Variants in DPYSL4 observed in about 807,000 individuals in gnomAD.
DPYSL4 encodes dihydropyrimidinase-related protein 4.
A neutral mutation model predicts 63.4 loss-of-function variants in DPYSL4; 43 were observed. The ratio of observed to expected loss-of-function variants is 0.68; its 90% CI spans 0.53 to 0.88. The LOEUF is 0.88. Among genes scored for constraint, DPYSL4 ranks in the 40% least tolerant of loss-of-function variants. The pLI is 0.00. For synonymous variants in DPYSL4, 353 were observed against 331.7 expected (o/e 1.06, Z -0.70); for missense variants, 733 against 819.5 (o/e 0.89, Z 1.29).
chr10:132,201,862 G>A, intron 10 of DPYSL4, 84 bp from the exon 11 acceptor site: 2 of 1,430,760 alleles, frequency 1.4e-6, no homozygotes, highest in Non-Finnish European at 1.9e-6. Context: ...TCCTTGTGGG[G>A]TCCTGGTGGC....
intron 8 of DPYSL4, 57 bp downstream of exon 8, chr10:132,199,028 G>T: frequency 3.2e-6 from 5 of 1,582,960 alleles, no homozygotes; most frequent in Non-Finnish European, 4.3e-6. Context: ...CCTCCTGGGT[G>T]CAGCCCTGGG....
chr10:132,194,231 C>T (rs1234314426), intron 3 of DPYSL4, among the ~76,000 whole-genome samples: 2 of 152,352 alleles, frequency 1.3e-5, no homozygotes, highest in African/African-American at 4.8e-5. Context: ...GCATCCCTGG[C>T]GGGTGCGCCC....
intron 1 of DPYSL4, among the ~76,000 whole-genome samples, chr10:132,189,277 C>A (rs901651771): frequency 3.3e-5 from 5 of 152,214 alleles, no homozygotes; most frequent in Non-Finnish European, 7.3e-5. Context: ...CCGAGTCCAG[C>A]CCGTGGGCGC....
chr10:132,198,703 C>A, intron 7 of DPYSL4, 148 bp from the exon 8 acceptor site: 1 of 1,290,374 alleles, frequency 7.7e-7, no homozygotes, highest in Non-Finnish European at 1.1e-6. Flanking sequence ...GTGGGCAGGC[C>A]CAGGCACTGA....
rs558991008 is a variant in DPYSL4, at chr10:132,203,287, C to G, written c.1461+462C>G. On this transcript the variant is annotated intron_variant, in intron 12 of 13. Transcript: ENST00000338492. ...AGGAGCTCAGCCACGGGAGCCCCCC[C>G]CCCATGGCCTTCCAGTCTCTTACTG... Among the ~76,000 whole-genome samples the G allele has an allele frequency of 9.4e-4, 143 of 152,288 alleles. 1 individual carries two copies. Among genetic ancestry groups the G allele is most frequent in the Middle Eastern group, 3.4e-3 (1 of 292 alleles).
At chr10:132,199,094 C>T in intron 8 of DPYSL4, 123 bp downstream of exon 8, 1 of 1,388,566 alleles carries the variant, frequency 7.2e-7, no homozygotes, top group Non-Finnish European at 9.6e-7. Context: ...CCCTGAGTCC[C>T]TGCATCGGGG....
At chr10:132,196,428 C>A (rs1048837760) in intron 4 of DPYSL4, among the ~76,000 whole-genome samples, 2 of 152,228 alleles carry the variant, frequency 1.3e-5, no homozygotes, top group Non-Finnish European at 2.9e-5. Flanking sequence ...GCCCTGCAGG[C>A]AGGTGCTGGA....
rs2061955020 is a variant in DPYSL4 at position 132,197,044 on chromosome 10, C to T, written c.564C>T (p.Ile188=). 1 of 1,593,754 alleles carries T rather than the reference C, an allele frequency of 6.3e-7. No individual in the cohort carries two copies. Among genetic ancestry groups the T allele is most frequent in the Non-Finnish European group, 8.6e-7 (1 of 1,168,678 alleles). Residue 188 remains isoleucine, a synonymous_variant, in exon 6 of 14, where the codon ATC becomes ATT. Coordinates refer to ENST00000338492, the MANE Select transcript of DPYSL4 (RefSeq NM_006426.3). Reference sequence around the variant, plus strand: ...AGATGTACGAGATCTTCAGCATCATCCGGGACCTGGGGGCCTTGGCCCAGG... The same window carrying T: ...AGATGTACGAGATCTTCAGCATCATTCGGGACCTGGGGGCCTTGGCCCAGG... ...DSQMYEIFSI[I]RDLGALAQVH...
At position 132,190,732 on chromosome 10, in the gene DPYSL4, T is replaced by C; in HGVS notation, c.40-15T>C. On this transcript the variant is annotated splice_polypyrimidine_tract_variant and intron_variant, in intron 1 of 13. Coordinates refer to ENST00000338492, the MANE Select transcript of DPYSL4 (RefSeq NM_006426.3). ...CTCAGTTTGGAGAAAAATTACCCTT[T>C]GTTGTTCCCGATAGAGTGACCGCCT... The C allele has an allele frequency of 6.2e-7, 1 of 1,608,254 alleles. No individual in the cohort carries two copies.
At chr10:132,190,685 C>T in intron 1 of DPYSL4, 62 bp from the exon 2 acceptor site, 2 of 1,493,188 alleles carry the variant, frequency 1.3e-6, no homozygotes, top group African/African-American at 1.4e-5. Context: ...GAAGGAGTTG[C>T]ACCAAGAGTG....
intron 1 of DPYSL4, among the ~76,000 whole-genome samples, chr10:132,189,818 C>T (rs2061850522): frequency 6.6e-6 from 1 of 152,240 alleles, no homozygotes; most frequent in Admixed American, 6.5e-5. Flanking sequence ...CTCTTTAAAA[C>T]ATCAAACCAG....
rs532093046 is a variant in DPYSL4, at chr10:132,192,552, G to A, written c.129-106G>A. 88 of 1,464,548 alleles carry A rather than the reference G, an allele frequency of 6.0e-5. 1 individual carries two copies. In the South Asian group the frequency reaches 8.6e-4, roughly 14 times the overall value. The allele number at this position is 1,464,548 out of a possible 1,614,324, so 90.7% of individuals were successfully genotyped here. A position where few individuals can be genotyped will look rare whatever the true frequency, so the allele number is the denominator to read the frequency against. Reference sequence around the variant, plus strand: ...GGCCGGCCGTGCTGGCCTTTTCCTCGGGGTCTGGAGCTCATGCAAACCCTT... The same window carrying A: ...GGCCGGCCGTGCTGGCCTTTTCCTCAGGGTCTGGAGCTCATGCAAACCCTT... On this transcript the variant is annotated intron_variant, in intron 2 of 13. Transcript: ENST00000338492.
intron 8 of DPYSL4, among the ~76,000 whole-genome samples, chr10:132,199,940 T>TC (rs1250648865): frequency 6.6e-6 from 1 of 151,618 alleles, no homozygotes; most frequent in African/African-American, 2.4e-5. Context: ...GGAGCATTTC[T>TC]CCCCCACCCA....
intron 2 of DPYSL4, among the ~76,000 whole-genome samples, chr10:132,192,044 G>A (rs1289646727): frequency 1.9e-5 from 2 of 104,738 alleles, no homozygotes; most frequent in African/African-American, 6.1e-5. Flanking sequence ...CTGGTCACGT[G>A]GTATCCAGGC....
intron 5 of DPYSL4, 49 bp from the exon 6 acceptor site, chr10:132,196,972 G>A (rs1215824110): frequency 1.9e-6 from 3 of 1,613,260 alleles, no homozygotes; most frequent in South Asian, 2.2e-5. Flanking sequence ...CCAGGCCGCT[G>A]CTGGTGCAGG....
In DPYSL4 at chr10:132,204,956, G is replaced by A. The variant is rs748038490; in HGVS notation, c.*26G>A. 1.8e-4 allele frequency: 281 copies of A among 1,579,076 alleles called. No homozygotes were observed. The highest frequency in any genetic ancestry group is 2.1e-4 in the Non-Finnish European group (249 of 1,162,650). On this transcript the variant is annotated 3_prime_UTR_variant, in exon 14 of 14. Transcript: ENST00000338492. ...ACGCCCAGGACCGGCCCTGTGAGCCGTGCTGGCCCCACCCGAGGCCGCGGG... is the reference window on the plus strand; with the variant it reads ...ACGCCCAGGACCGGCCCTGTGAGCCATGCTGGCCCCACCCGAGGCCGCGGG...
intron 8 of DPYSL4, among the ~76,000 whole-genome samples, chr10:132,199,413 G>C (rs2061983975): frequency 6.6e-6 from 1 of 152,148 alleles, no homozygotes; most frequent in Non-Finnish European, 1.5e-5. Context: ...TGGGCGGGGG[G>C]GTGCCACCCA....
intron 2 of DPYSL4, chr10:132,192,366 A>G: frequency 9.4e-7 from 1 of 1,061,418 alleles, no homozygotes; most frequent in Non-Finnish European, 1.1e-6. Flanking sequence ...TCCGTTTGTC[A>G]AGCTGCTCCG....
At chr10:132,187,397 C>A (rs2061816441) in intron 1 of DPYSL4, among the ~76,000 whole-genome samples, 1 of 150,378 alleles carries the variant, frequency 6.6e-6, no homozygotes. Flanking sequence ...CCCGGCCTTG[C>A]CGGCTTCCGG....
Sources: gnomAD v4.1 joint callset for allele counts (sites outside exome capture counted in the v4.1 genomes callset) on GRCh38, gnomAD v4.1.1 for gene constraint, MANE v1.5 for transcripts, NCBI Gene and HGNC (gene_info 2026-07-23, HGNC 2026-07-21) for gene names.